GPR149: variants seen among roughly 807,000 people sequenced by gnomAD.
GPR149 encodes probable G protein-coupled receptor 149.
Under a neutral mutation model 50.2 loss-of-function variants are expected in GPR149, and 50 were observed. The ratio of observed to expected loss-of-function variants is 1.00; its 90% CI spans 0.79 to 1.26. The LOEUF is 1.26. GPR149 is among the 50% of genes most tolerant of loss of function. GPR149 has a pLI of 0.00. For missense variants in GPR149, 983 were observed against 895.4 expected, an observed-to-expected ratio of 1.10 and a Z score of -1.25; for synonymous variants, 405 against 358.2, an observed-to-expected ratio of 1.13 and a Z score of -1.48.
chr3:154,420,402 G>A (rs764710447), intron 3 of GPR149, among the ~76,000 whole-genome samples: 14 of 151,930 alleles, frequency 9.2e-5, no homozygotes, highest in African/African-American at 3.1e-4. Context: ...GAAAGGATGA[G>A]AAATTCATGT....
chr3:154,396,880 G>A (rs916714273), intron 3 of GPR149, among the ~76,000 whole-genome samples: 1 of 150,950 alleles, frequency 6.6e-6, no homozygotes, highest in Non-Finnish European at 1.5e-5. Context: ...TAAAGAAAGG[G>A]TTTTTATTTT....
intron 3 of GPR149, among the ~76,000 whole-genome samples, chr3:154,356,822 A>G (rs1349110143): frequency 6.6e-6 from 1 of 152,188 alleles, no homozygotes; most frequent in Non-Finnish European, 1.5e-5. Flanking sequence ...ACAGAATTGG[A>G]AAAAACTACT....
At chr3:154,357,754 T>A (rs1444140393) in intron 3 of GPR149, among the ~76,000 whole-genome samples, 1 of 152,192 alleles carries the variant, frequency 6.6e-6, no homozygotes, top group Non-Finnish European at 1.5e-5. Flanking sequence ...CATCTAGAAC[T>A]AGAAATACCA....
At chr3:154,382,040 T>A (rs561084086) in intron 3 of GPR149, among the ~76,000 whole-genome samples, 1 of 152,310 alleles carries the variant, frequency 6.6e-6, no homozygotes, top group East Asian at 1.9e-4. Context: ...AGAGAAGATT[T>A]TTTTCTACAT....
intron 3 of GPR149, chr3:154,353,686 A>C (rs1714142899): frequency 7.6e-7 from 1 of 1,319,896 alleles, no homozygotes; most frequent in Admixed American, 1.8e-5. Context: ...GCTGGAGCCA[A>C]AACAAGTACC....
intron 3 of GPR149, among the ~76,000 whole-genome samples, chr3:154,365,797 T>C (rs919894403): frequency 1.1e-4 from 16 of 152,314 alleles, no homozygotes; most frequent in African/African-American, 3.8e-4. Flanking sequence ...CTTATTTCCA[T>C]CTAAGATGTC....
At chr3:154,415,498 G>C (rs894341454) in intron 3 of GPR149, among the ~76,000 whole-genome samples, 1 of 151,858 alleles carries the variant, frequency 6.6e-6, no homozygotes, top group Non-Finnish European at 1.5e-5. Context: ...ACTTCAAATA[G>C]CCACTCTAAA....
chr3:154,423,897 G>A (rs1006629076), intron 2 of GPR149, among the ~76,000 whole-genome samples: 16 of 151,652 alleles, frequency 1.1e-4, no homozygotes, highest in Admixed American at 3.3e-4. Flanking sequence ...TGTGCACAAC[G>A]TGCAGATTTG....
intron 3 of GPR149, among the ~76,000 whole-genome samples, chr3:154,360,509 A>G (rs1714353264): frequency 1.3e-5 from 2 of 152,354 alleles, no homozygotes; most frequent in Middle Eastern, 6.8e-3. Flanking sequence ...AGATGAGAAC[A>G]TTGAGATGCA....
chr3:154,396,958 C>T (rs373082738), intron 3 of GPR149, among the ~76,000 whole-genome samples: 23 of 151,724 alleles, frequency 1.5e-4, no homozygotes, highest in Admixed American at 1.3e-4. Flanking sequence ...AAAATTGAGT[C>T]AGAAGGTATG....
At chr3:154,371,107 T>A (rs1714655068) in intron 3 of GPR149, among the ~76,000 whole-genome samples, 1 of 152,160 alleles carries the variant, frequency 6.6e-6, no homozygotes, top group Non-Finnish European at 1.5e-5. Flanking sequence ...CAATATACCT[T>A]AAGGCCTAAA....
At chr3:154,352,802 A>T in intron 3 of GPR149, 1 of 839,292 alleles carries the variant, frequency 1.2e-6, no homozygotes, top group South Asian at 1.3e-5. Context: ...ACACCTACAC[A>T]TTTAAAAGTA....
chr3:154,417,927 G>A (rs1181694035), intron 3 of GPR149, among the ~76,000 whole-genome samples: 2 of 151,994 alleles, frequency 1.3e-5, no homozygotes, highest in Non-Finnish European at 2.9e-5. Context: ...TAAACTTTGT[G>A]ATTTAGAATG....
chr3:154,363,023 C>A (rs1714451299), intron 3 of GPR149, among the ~76,000 whole-genome samples: 1 of 151,934 alleles, frequency 6.6e-6, no homozygotes, highest in Non-Finnish European at 1.5e-5. Flanking sequence ...GTAGAGGGTG[C>A]AAAGGTCTTG....
intron 3 of GPR149, among the ~76,000 whole-genome samples, chr3:154,405,414 C>T (rs551497371): frequency 1.1e-4 from 16 of 151,820 alleles, no homozygotes; most frequent in Admixed American, 7.2e-4. Flanking sequence ...CGGTGAAATC[C>T]CGTCTCTACT....
chr3:154,343,040 T>C (rs1008360967), intron 3 of GPR149, among the ~76,000 whole-genome samples: 1 of 152,224 alleles, frequency 6.6e-6, no homozygotes, highest in East Asian at 1.9e-4. Flanking sequence ...TGAAAAGCTA[T>C]CTTGAATAGA....
At chr3:154,407,693 T>TATACACACACACACACAC (rs1553766399) in intron 3 of GPR149, among the ~76,000 whole-genome samples, 1 of 139,978 alleles carries the variant, frequency 7.1e-6, no homozygotes, top group Non-Finnish European at 1.5e-5. Flanking sequence ...GTCATGTGTA[T>TATACACACACACACACAC]ACACACACAC....
intron 3 of GPR149, among the ~76,000 whole-genome samples, chr3:154,413,257 C>T (rs1711891805): frequency 6.6e-6 from 1 of 151,896 alleles, no homozygotes; most frequent in African/African-American, 2.4e-5. Context: ...GTCTTAATGA[C>T]CAAGAACCCA....
chr3:154,361,816 C>T (rs551578256), intron 3 of GPR149, among the ~76,000 whole-genome samples: 2 of 152,234 alleles, frequency 1.3e-5, no homozygotes, highest in African/African-American at 4.8e-5. Flanking sequence ...AGGGTCCAGA[C>T]CTCTAATCTT....
Sources: gnomAD v4.1 joint callset for allele counts (sites outside exome capture counted in the v4.1 genomes callset) on GRCh38, gnomAD v4.1.1 for gene constraint, MANE v1.5 for transcripts, NCBI Gene and HGNC (gene_info 2026-07-23, HGNC 2026-07-21) for gene names.